Variants in ITGBL1 observed in about 807,000 individuals in gnomAD.
ITGBL1 encodes the protein integrin subunit beta like 1, also known as integrin beta-like protein 1.
ITGBL1 carries 51 observed loss-of-function variants against 68.5 expected under a neutral mutation model. The observed-to-expected ratio is 0.74, with a 90% CI of 0.59 to 0.94. The LOEUF (loss-of-function observed/expected upper bound fraction) is 0.94, where lower values mean the gene tolerates loss of function less well. Ranked by LOEUF, ITGBL1 falls within the 40% of genes least tolerant of loss-of-function variation. The pLI is 0.00. For synonymous variants in ITGBL1, 209 were observed against 227.3 expected (o/e 0.92, Z 0.72); for missense variants, 649 against 647.4 (o/e 1.00, Z -0.03).
At chr13:101,595,795 T>C (rs1566747704) in intron 6 of ITGBL1, among the ~76,000 whole-genome samples, 1 of 152,032 alleles carries the variant, frequency 6.6e-6, no homozygotes, top group Non-Finnish European at 1.5e-5. Context: ...GGAGTTTCCT[T>C]AAAAAATCAA....
intron 2 of ITGBL1, among the ~76,000 whole-genome samples, chr13:101,501,550 C>A (rs1224853234): frequency 6.6e-6 from 1 of 152,068 alleles, no homozygotes; most frequent in Admixed American, 6.5e-5. Flanking sequence ...AACAAAAATA[C>A]AATGTCGTAA....
chr13:101,664,173 C>T (rs909740715), intron 7 of ITGBL1, among the ~76,000 whole-genome samples: 10 of 152,222 alleles, frequency 6.6e-5, no homozygotes, highest in African/African-American at 1.4e-4. Context: ...ACTAACTTCG[C>T]AGTTTTATGT....
chr13:101,612,110 G>T (rs551857964), intron 7 of ITGBL1, among the ~76,000 whole-genome samples: 2 of 152,156 alleles, frequency 1.3e-5, no homozygotes, highest in Admixed American at 1.3e-4. Flanking sequence ...CTACTATTTG[G>T]ATAAAGGCAA....
chr13:101,594,371 A>G (rs559467438), intron 6 of ITGBL1, among the ~76,000 whole-genome samples: 1 of 152,308 alleles, frequency 6.6e-6, no homozygotes, highest in African/African-American at 2.4e-5. Flanking sequence ...GGACAACTGG[A>G]TGTCCACATG....
intron 9 of ITGBL1, among the ~76,000 whole-genome samples, chr13:101,708,388 G>A (rs1028646471): frequency 2.0e-5 from 3 of 151,850 alleles, no homozygotes; most frequent in Non-Finnish European, 4.4e-5. Context: ...TTCTGACAAG[G>A]CACAGCTCTG....
intron 2 of ITGBL1, among the ~76,000 whole-genome samples, chr13:101,518,270 T>C (rs375148829): frequency 3.9e-5 from 6 of 152,334 alleles, no homozygotes; most frequent in Admixed American, 3.3e-4. Flanking sequence ...TTTTTTAGTA[T>C]GCAATAATTT....
At chr13:101,520,897 A>G (rs1389201375) in intron 2 of ITGBL1, among the ~76,000 whole-genome samples, 2 of 152,172 alleles carry the variant, frequency 1.3e-5, no homozygotes, top group African/African-American at 2.4e-5. Flanking sequence ...CTGAGAAGGA[A>G]GTGGTAATGA....
chr13:101,685,332 G>A (rs555457892), intron 7 of ITGBL1, among the ~76,000 whole-genome samples: 8 of 152,034 alleles, frequency 5.3e-5, no homozygotes, highest in African/African-American at 1.4e-4. Context: ...CATTATATTA[G>A]GTTGGGTTAG....
intron 2 of ITGBL1, among the ~76,000 whole-genome samples, chr13:101,527,815 A>G (rs1184502119): frequency 1.3e-5 from 2 of 151,948 alleles, no homozygotes; most frequent in African/African-American, 4.8e-5. Flanking sequence ...TTGGCCATTT[A>G]TATACATTCA....
At chr13:101,454,742 C>T (rs2139608794) in intron 2 of ITGBL1, among the ~76,000 whole-genome samples, 1 of 152,248 alleles carries the variant, frequency 6.6e-6, no homozygotes, top group Non-Finnish European at 1.5e-5. Context: ...TTTGCCCTCT[C>T]ATTATTAGAA....
At chr13:101,478,065 G>A (rs2048562406) in intron 2 of ITGBL1, among the ~76,000 whole-genome samples, 1 of 151,760 alleles carries the variant, frequency 6.6e-6, no homozygotes, top group Non-Finnish European at 1.5e-5. Context: ...TCCCTGATAA[G>A]CATTGGTGCA....
intron 2 of ITGBL1, among the ~76,000 whole-genome samples, chr13:101,542,446 T>C (rs1332387762): frequency 6.6e-6 from 1 of 152,240 alleles, no homozygotes; most frequent in Non-Finnish European, 1.5e-5. Context: ...TCCGTTCTTT[T>C]ACATTTGCTG....
intron 2 of ITGBL1, among the ~76,000 whole-genome samples, chr13:101,564,180 AGCT>A (rs2050143982): frequency 6.6e-6 from 1 of 151,988 alleles, no homozygotes; most frequent in Non-Finnish European, 1.5e-5. Context: ...GAACTACAAG[AGCT>A]GAAATAATTT....
At chr13:101,580,248 T>C (rs1274575399) in intron 5 of ITGBL1, among the ~76,000 whole-genome samples, 1 of 152,080 alleles carries the variant, frequency 6.6e-6, no homozygotes, top group African/African-American at 2.4e-5. Context: ...TGCATTGCAA[T>C]AGGTAATGCT....
At chr13:101,560,535 A>T (rs941287054) in intron 2 of ITGBL1, among the ~76,000 whole-genome samples, 1 of 152,208 alleles carries the variant, frequency 6.6e-6, no homozygotes, top group African/African-American at 2.4e-5. Context: ...CAGATTTTTA[A>T]ATTTGTTTTT....
intron 3 of ITGBL1, among the ~76,000 whole-genome samples, 198 bp downstream of exon 3, chr13:101,568,043 G>C (rs986616438): frequency 1.3e-5 from 2 of 148,166 alleles, no homozygotes; most frequent in East Asian, 4.0e-4. Flanking sequence ...CTTTCCAGCT[G>C]TTCCAAATGC....
In ITGBL1 at chr13:101,519,239, G is replaced by A. The variant is rs754739190; in HGVS notation, c.317-48460G>A. 6.0e-4 allele frequency among the ~76,000 whole-genome samples: 91 copies of A among 152,064 alleles called. 1 individual carries two copies. Among genetic ancestry groups the A allele is most frequent in the South Asian group, 1.2e-3 (6 of 4,818 alleles). On this transcript the variant is annotated intron_variant, in intron 2 of 10. Coordinates refer to ENST00000376180, the MANE Select transcript of ITGBL1 (RefSeq NM_004791.3). ...TTGATATGAGAATACTGCACTAAGG[G>A]CACCATAGTCTACCCCAGGGCTGCC...
In ITGBL1 at chr13:101,480,505, A is replaced by T. The variant is rs143356448; in HGVS notation, c.316+26405A>T. Among the ~76,000 whole-genome samples, 333 of 152,214 alleles carry T rather than the reference A, an allele frequency of 2.2e-3. 3 individuals are homozygous for T. Among genetic ancestry groups the T allele is most frequent in the African/African-American group, 7.8e-3 (325 of 41,556 alleles). On this transcript the variant is annotated intron_variant, in intron 2 of 10. Coordinates refer to ENST00000376180, the MANE Select transcript of ITGBL1 (RefSeq NM_004791.3). The stretch of plus-strand genomic sequence containing the variant: ...AAAAATAATTTATTGTACATTTAAA[A>T]ATAACTAAAAGAATACAATTGGAAT...
intron 1 of ITGBL1, 51 bp from the exon 2 acceptor site, chr13:101,453,832 G>A: frequency 8.5e-7 from 1 of 1,179,642 alleles, no homozygotes; most frequent in Non-Finnish European, 1.1e-6. Context: ...TCGGAGCAGG[G>A]GGCGGCGTCC....
Sources: allele counts gnomAD v4.1 joint callset (sites outside exome capture counted in the v4.1 genomes callset), GRCh38; gene constraint gnomAD v4.1.1; transcripts MANE v1.5; gene names NCBI Gene and HGNC (gene_info 2026-07-23, HGNC 2026-07-21).